Variants in VASH1 observed in about 807,000 individuals in gnomAD.
The protein encoded by VASH1 is tubulinyl-Tyr carboxypeptidase 1.
In VASH1, 16 loss-of-function variants were observed where a neutral mutation model predicts 35.0. The ratio of observed to expected loss-of-function variants is 0.46; its 90% CI spans 0.31 to 0.70. The LOEUF is 0.70. Among genes scored for constraint, VASH1 ranks in the 30% least tolerant of loss-of-function variants. The pLI is 0.05. For synonymous variants in VASH1, 214 were observed against 200.9 expected (o/e 1.07, Z -0.55); for missense variants, 505 against 510.7 (o/e 0.99, Z 0.11).
chr14:76,777,853 C>T (rs547627473), intron 5 of VASH1, 106 bp from the exon 6 acceptor site: 17 of 764,706 alleles, frequency 2.2e-5, no homozygotes, highest in Admixed American at 1.3e-4. Context: ...TGAGGTTCCC[C>T]GGGCCTTCCC....
At chr14:76,771,116 G>A in intron 2 of VASH1, 74 bp from the exon 3 acceptor site, 1 of 1,382,428 alleles carries the variant, frequency 7.2e-7, no homozygotes. Flanking sequence ...TGGCTCTTGA[G>A]CTTCAGGATA....
chr14:76,776,314 CTCCCCCGCCCCA>C (rs760126496), intron 5 of VASH1, 41 bp downstream of exon 5: 104 of 1,461,642 alleles, frequency 7.1e-5, no homozygotes, highest in Middle Eastern at 2.4e-4. Context: ...CCCTCGCCCC[CTCCCCCGCCCCA>C]GCAGAGGCGA....
At chr14:76,774,657 G>T (rs1030228070) in intron 4 of VASH1, 4 of 152,350 alleles carry the variant, frequency 2.6e-5, no homozygotes, top group Admixed American at 2.0e-4. Context: ...TGGTTCTCAC[G>T]TCTTGTCCTC....
rs747044282 is a variant in VASH1, at chr14:76,763,071, A to G, written c.250A>G (p.Ile84Val). The G allele has an allele frequency of 7.1e-5, 108 of 1,528,726 alleles. No homozygotes were observed. Among genetic ancestry groups the G allele is most frequent in the Non-Finnish European group, 9.4e-5 (107 of 1,134,496 alleles). 94.7% of individuals were successfully genotyped at this position (1,528,726 alleles called of 1,614,324 possible). The change falls in exon 1 of 7, where the codon ATC (isoleucine) becomes GTC (valine). Residue 84 changes from isoleucine to valine, a missense_variant. Coordinates refer to ENST00000167106, the MANE Select transcript of VASH1 (RefSeq NM_014909.5). ...AAGGATGTGGAAACACGTGGCCAAGATCCACCCCGATGGAGAGAAGGTGGC... is the reference window on the plus strand; with the variant it reads ...AAGGATGTGGAAACACGTGGCCAAGGTCCACCCCGATGGAGAGAAGGTGGC... ...WERMWKHVAK[I>V]HPDGEKVAQR...
intron 1 of VASH1, among the ~76,000 whole-genome samples, chr14:76,768,926 G>T (rs3783992): frequency 0.026 from 3,892 of 152,196 alleles, 124 homozygotes; most frequent in East Asian, 0.15. Context: ...TGAGGGGTGG[G>T]CCTTTTCCCT....
chr14:76,767,115 C>T (rs1297833645), intron 1 of VASH1, among the ~76,000 whole-genome samples: 1 of 151,980 alleles, frequency 6.6e-6, no homozygotes, highest in South Asian at 2.1e-4. Context: ...TGTGGTGGTG[C>T]ATGCCTGTGA....
At chr14:76,763,259 T>A (rs2140170899) in intron 1 of VASH1, 129 bp downstream of exon 1, 1 of 981,332 alleles carries the variant, frequency 1.0e-6, no homozygotes, top group Non-Finnish European at 1.4e-6. Flanking sequence ...TAAAATGCAG[T>A]GATATCATAC....
At chr14:76,775,561 G>C (rs1394847656) in intron 4 of VASH1, among the ~76,000 whole-genome samples, 3 of 152,172 alleles carry the variant, frequency 2.0e-5, no homozygotes, top group Non-Finnish European at 4.4e-5. Context: ...GGCAGGGGAG[G>C]GAAGGCTTCT....
At position 76,780,519 on chromosome 14, in the gene VASH1, AG is replaced by A. The variant is rs1215254277; in HGVS notation, c.*1502del. 5 of 152,380 alleles carry A rather than the reference AG, an allele frequency of 3.3e-5. No individual in the cohort carries two copies. The highest frequency in any genetic ancestry group is 1.2e-4 in the African/African-American group (5 of 41,426). The allele number at this position is 152,380 out of a possible 1,614,324, so 9.4% of individuals were successfully genotyped here. On this transcript the variant is annotated 3_prime_UTR_variant, in exon 7 of 7. Transcript: ENST00000167106. ...AGGGCTGGGGGGCTACACAAGGAAG[AG>A]CAGAACTAGGGTTGTAAGCTCAAAT... is the stretch of plus-strand genomic sequence containing the variant.
chr14:76,762,753 C>T lies in VASH1; in HGVS notation c.-69C>T, dbSNP rs544969441. On this transcript the variant is annotated 5_prime_UTR_variant, in exon 1 of 7. Transcript: ENST00000167106. ...TCTGGCCATGTGTTATCTCTGCAGC[C>T]GGTGTGTGGGAGGCCTCTTGTGAGC... is the stretch of plus-strand genomic sequence containing the variant. The T allele has an allele frequency of 8.1e-6, 11 of 1,364,656 alleles. No individual in the cohort carries two copies. The African/African-American group carries it at 8.8e-5, about 11-fold the overall frequency. The allele number at this position is 1,364,656 out of a possible 1,614,324, so 84.5% of individuals were successfully genotyped here. A position where few individuals can be genotyped will look rare whatever the true frequency, so the allele number is the denominator to read the frequency against.
chr14:76,779,665 G>A lies in VASH1; in HGVS notation c.*647G>A. 1.7e-6 allele frequency: 1 copy of A among 603,852 alleles called. No homozygotes were observed. Among genetic ancestry groups the A allele is most frequent in the Non-Finnish European group, 3.0e-6 (1 of 338,854 alleles). The allele number at this position is 603,852 out of a possible 1,614,324, so 37.4% of individuals were successfully genotyped here. A position where few individuals can be genotyped will look rare whatever the true frequency, so the allele number is the denominator to read the frequency against. The stretch of plus-strand genomic sequence containing the variant: ...TTGAGGCCCCCATGGGCAGTGCTGT[G>A]TGGGCAGAGGAGGGGTGATATGAGA... On this transcript the variant is annotated 3_prime_UTR_variant, in exon 7 of 7. Coordinates refer to ENST00000167106, the MANE Select transcript of VASH1 (RefSeq NM_014909.5).
chr14:76,779,183 G>A lies in VASH1; in HGVS notation c.*165G>A. The A allele has an allele frequency of 1.3e-6, 1 of 771,536 alleles. No homozygotes were observed. The highest frequency in any genetic ancestry group is 2.2e-6 in the Non-Finnish European group (1 of 454,488). The allele number at this position is 771,536 out of a possible 1,614,324, so 47.8% of individuals were successfully genotyped here. On this transcript the variant is annotated 3_prime_UTR_variant, in exon 7 of 7. Transcript: ENST00000167106. ...CCCCCAAGCTGCTCTCGCTCCCACTGAGCCAAGCCCCCTAACTTTGGGCCT... is the reference window on the plus strand; with the variant it reads ...CCCCCAAGCTGCTCTCGCTCCCACTAAGCCAAGCCCCCTAACTTTGGGCCT...
chr14:76,768,922 G>A (rs559636543), intron 1 of VASH1, among the ~76,000 whole-genome samples: 2 of 152,166 alleles, frequency 1.3e-5, no homozygotes, highest in African/African-American at 4.8e-5. Context: ...GCCCTGAGGG[G>A]TGGGCCTTTT....
chr14:76,769,388 CCTT>C (rs1893729278), intron 1 of VASH1: 2 of 1,289,036 alleles, frequency 1.6e-6, no homozygotes, highest in African/African-American at 3.0e-5. Flanking sequence ...CAAAATATGT[CCTT>C]CTGGCCTGCT....
intron 1 of VASH1, among the ~76,000 whole-genome samples, chr14:76,766,689 G>A (rs1332471200): frequency 2.0e-5 from 3 of 151,936 alleles, no homozygotes; most frequent in East Asian, 1.9e-4. Context: ...CCATCCTCCC[G>A]CCTCAGCCTC....
chr14:76,765,994 G>A (rs186098051), intron 1 of VASH1, among the ~76,000 whole-genome samples: 37 of 152,316 alleles, frequency 2.4e-4, no homozygotes, highest in Admixed American at 2.4e-3. Flanking sequence ...AGGAAGACAG[G>A]CAACTTTCTT....
chr14:76,775,851 C>CGTGCTTCTCCTGGCTCT, intron 4 of VASH1, 41 bp from the exon 5 acceptor site: 2 of 1,508,536 alleles, frequency 1.3e-6, no homozygotes, highest in Non-Finnish European at 1.8e-6. Flanking sequence ...GTGCTGGCCC[C>CGTGCTTCTCCTGGCTCT]GTGCTTCTCC....
At chr14:76,775,291 C>A (rs914777907) in intron 4 of VASH1, among the ~76,000 whole-genome samples, 1 of 152,040 alleles carries the variant, frequency 6.6e-6, no homozygotes, top group African/African-American at 2.4e-5. Flanking sequence ...GGGAAAAGGC[C>A]GGTGTGAGAA....
In VASH1 at chr14:76,775,898, C is replaced by T. The variant is rs1010089441; in HGVS notation, c.537C>T (p.Leu179=). ...TTAGCGGGGCACTGGCCAGTTACCT[C>T]ACCAACAGCATGCCCACCCTGGAGC... ...CLEAVILGIY[L]TNSMPTLERF... Residue 179 remains leucine (L), a synonymous_variant, in exon 5 of 7, where the codon CTC becomes CTT. Coordinates refer to ENST00000167106, the MANE Select transcript of VASH1 (RefSeq NM_014909.5). The T allele has an allele frequency of 1.3e-6, 2 of 1,576,774 alleles. No individual in the cohort carries two copies. The highest frequency in any genetic ancestry group is 2.7e-5 in the African/African-American group (2 of 74,476).
Sources: allele counts gnomAD v4.1 joint callset (sites outside exome capture counted in the v4.1 genomes callset), GRCh38; gene constraint gnomAD v4.1.1; transcripts MANE v1.5; gene names NCBI Gene and HGNC (gene_info 2026-07-23, HGNC 2026-07-21).